Variants in TMEM266 observed in about 807,000 individuals in gnomAD.
The protein encoded by TMEM266 is transmembrane protein 266, also known as Hv1 related protein 1.
In TMEM266, 33 loss-of-function variants were observed where a neutral mutation model predicts 50.5. The ratio of observed to expected loss-of-function variants is 0.65; its 90% CI spans 0.50 to 0.87. TMEM266 has a LOEUF of 0.87. Among genes scored for constraint, TMEM266 ranks in the 40% least tolerant of loss-of-function variants. The pLI is 0.00. For missense variants in TMEM266, 655 were observed against 695.1 expected (o/e 0.94, Z 0.65); for synonymous variants, 310 against 292.3 (o/e 1.06, Z -0.62).
chr15:76,191,990 C>T lies in TMEM266; in HGVS notation c.791C>T (p.Ala264Val). The change falls in exon 9 of 11, where the codon GCG becomes GTG. Residue 264 changes from alanine (A) to valine (V), a missense_variant. Around this residue, in one of 3 missense-constraint regions of TMEM266, gnomAD observed 455 missense variants for 401.8 expected, o/e 1.13. Coordinates refer to ENST00000388942, the MANE Select transcript of TMEM266 (RefSeq NM_152335.3). ...CAGTTTGAGATCCGGCAGCTGCGCG[C>T]GCACCTGGCGCAGCAGGACCTGGAC... 6.3e-7 allele frequency: 1 copy of T among 1,583,332 alleles called. No individual in the cohort carries two copies. Among genetic ancestry groups the T allele is most frequent in the Non-Finnish European group, 8.5e-7 (1 of 1,169,602 alleles).
chr15:76,192,807 T>G (rs2038601161), intron 9 of TMEM266, among the ~76,000 whole-genome samples: 1 of 152,198 alleles, frequency 6.6e-6, no homozygotes, highest in Admixed American at 6.5e-5. Context: ...GGCCTTAGTT[T>G]TGCCAGCTGT....
At position 76,061,894 on chromosome 15, in the gene TMEM266, T is replaced by C. The variant is rs563144111; in HGVS notation, c.-97+1878T>C. Among the ~76,000 whole-genome samples, 36 of 152,362 alleles carry C rather than the reference T, an allele frequency of 2.4e-4. 1 individual carries two copies. In the South Asian group the frequency reaches 7.2e-3, roughly 31 times the overall value. On this transcript the variant is annotated intron_variant, in intron 1 of 10. Coordinates refer to ENST00000388942, the MANE Select transcript of TMEM266 (RefSeq NM_152335.3). Reference sequence around the variant, plus strand: ...AGCAACATTGTCTATCACACTTGCCTGTGAGTGCCTTAATGGGAGGAAGGA... The same window carrying C: ...AGCAACATTGTCTATCACACTTGCCCGTGAGTGCCTTAATGGGAGGAAGGA...
At chr15:76,104,292 C>T (rs900009660) in intron 1 of TMEM266, among the ~76,000 whole-genome samples, 3 of 152,156 alleles carry the variant, frequency 2.0e-5, no homozygotes, top group Non-Finnish European at 4.4e-5. Flanking sequence ...ACGTATGGCT[C>T]TTTAAATTCA....
At chr15:76,196,832 G>C (rs1224299243) in intron 9 of TMEM266, among the ~76,000 whole-genome samples, 1 of 151,894 alleles carries the variant, frequency 6.6e-6, no homozygotes, top group East Asian at 1.9e-4. Flanking sequence ...GTTTAGACTT[G>C]CTGTAGCACA....
At chr15:76,071,145 A>G (rs1270573946) in intron 1 of TMEM266, among the ~76,000 whole-genome samples, 1 of 152,188 alleles carries the variant, frequency 6.6e-6, no homozygotes, top group Non-Finnish European at 1.5e-5. Flanking sequence ...TTGCTACCCC[A>G]GGAACTTCCA....
chr15:76,204,876 C>G lies in TMEM266; in HGVS notation c.*561C>G, dbSNP rs2959850. The G allele has an allele frequency of 6.6e-6, 1 of 152,472 alleles. No homozygotes were observed. The highest frequency in any genetic ancestry group is 1.5e-5 in the Non-Finnish European group (1 of 68,076). 9.4% of individuals were successfully genotyped at this position (152,472 alleles called of 1,614,324 possible). On this transcript the variant is annotated 3_prime_UTR_variant, in exon 11 of 11. Transcript: ENST00000388942. ...CCTTCACAGGATATAAAGGGATCAACCTAGAGGTGGGTGGGAGGGTCCTAG... is the reference window on the plus strand; with the variant it reads ...CCTTCACAGGATATAAAGGGATCAAGCTAGAGGTGGGTGGGAGGGTCCTAG...
chr15:76,131,250 C>T (rs1362309958), intron 1 of TMEM266, among the ~76,000 whole-genome samples: 3 of 152,188 alleles, frequency 2.0e-5, no homozygotes, highest in Admixed American at 2.0e-4. Flanking sequence ...ACCTGTAATC[C>T]CAGCTACTTG....
intron 5 of TMEM266, among the ~76,000 whole-genome samples, chr15:76,162,992 G>A (rs2038041581): frequency 6.6e-6 from 1 of 152,246 alleles, no homozygotes; most frequent in Non-Finnish European, 1.5e-5. Flanking sequence ...GGCTCCTGCT[G>A]TCCTGGAGCC....
chr15:76,151,677 C>A (rs2037845580), intron 3 of TMEM266, among the ~76,000 whole-genome samples: 1 of 152,150 alleles, frequency 6.6e-6, no homozygotes, highest in African/African-American at 2.4e-5. Flanking sequence ...CCCAAACTCC[C>A]TTTGCCATAC....
rs541413987 is a variant in TMEM266 at position 76,076,954 on chromosome 15, T to G, written c.-97+16938T>G. On this transcript the variant is annotated intron_variant, in intron 1 of 10. Coordinates refer to ENST00000388942, the MANE Select transcript of TMEM266 (RefSeq NM_152335.3). ...CTCTGAATAACCGTTTTTTTGTTTG[T>G]TTGTTGTTGTTGTTGTTGTTGTTTT... Among the ~76,000 whole-genome samples, 175 of 151,842 alleles carry G rather than the reference T, an allele frequency of 1.2e-3. 1 individual carries two copies. The highest frequency in any genetic ancestry group is 4.0e-3 in the African/African-American group (167 of 41,292).
In TMEM266 at chr15:76,065,885, G is replaced by A. The variant is rs571499185; in HGVS notation, c.-97+5869G>A. ...GCGTCCACTTCTGAGGCTTTGTCCC[G>A]CGCACTCCCCACTCAACCACCCTCA... On this transcript the variant is annotated intron_variant, in intron 1 of 10. Coordinates refer to ENST00000388942, the MANE Select transcript of TMEM266 (RefSeq NM_152335.3). Among the ~76,000 whole-genome samples the A allele has an allele frequency of 3.3e-5, 5 of 152,028 alleles. No individual in the cohort carries two copies. In the South Asian group the frequency reaches 1.0e-3, roughly 32 times the overall value.
At chr15:76,097,749 T>C (rs2036943148) in intron 1 of TMEM266, among the ~76,000 whole-genome samples, 1 of 152,046 alleles carries the variant, frequency 6.6e-6, no homozygotes, top group South Asian at 2.1e-4. Flanking sequence ...CAATCAAACG[T>C]AGATTTGGTC....
chr15:76,141,077 T>C (rs1031537346), intron 3 of TMEM266, among the ~76,000 whole-genome samples: 8 of 152,094 alleles, frequency 5.3e-5, no homozygotes, highest in Admixed American at 1.3e-4. Context: ...TAGAGCCCTA[T>C]CTCTGTGATC....
intron 3 of TMEM266, among the ~76,000 whole-genome samples, chr15:76,148,932 C>T (rs2037797150): frequency 6.6e-6 from 1 of 152,130 alleles, no homozygotes; most frequent in Admixed American, 6.5e-5. Flanking sequence ...GGTATGGAAA[C>T]TTCAATTTAT....
At position 76,161,179 on chromosome 15, in the gene TMEM266, T is replaced by C. The variant is rs1262468891; in HGVS notation, c.456+1011T>C. ...CCTGCTATGGGTACATATTAGCCCA[T>C]GCAAAGTCCCGTGGGCCTTTCAGCA... On this transcript the variant is annotated intron_variant, in intron 5 of 10. Transcript: ENST00000388942. This position sits in a 1 kb window ranked among gnomAD's most constrained non-coding sequence, Gnocchi z 4.1. 6.6e-6 allele frequency among the ~76,000 whole-genome samples: 1 copy of C among 152,132 alleles called. No homozygotes were observed. Among genetic ancestry groups the C allele is most frequent in the Non-Finnish European group, 1.5e-5 (1 of 68,020 alleles).
intron 3 of TMEM266, among the ~76,000 whole-genome samples, chr15:76,155,901 C>T (rs1158140959): frequency 5.3e-5 from 8 of 152,196 alleles, no homozygotes; most frequent in Admixed American, 5.2e-4. Context: ...AATGCCAGAG[C>T]CCATGTCACC....
At position 76,171,505 on chromosome 15, in the gene TMEM266, C is replaced by T. The variant is rs76084568; in HGVS notation, c.652+374C>T. ...CGATGCACACCTGCTGCTGGCTCCC[C>T]GATGGCTGCCAGCCTCACCACTGGC... On this transcript the variant is annotated intron_variant, in intron 7 of 10. Coordinates refer to ENST00000388942, the MANE Select transcript of TMEM266 (RefSeq NM_152335.3). 6.5e-3 allele frequency among the ~76,000 whole-genome samples: 991 copies of T among 152,284 alleles called. 26 individuals are homozygous for T. Among genetic ancestry groups the T allele is most frequent in the East Asian group, 0.041 (213 of 5,162 alleles).
At chr15:76,174,093 T>C (rs1459213866) in intron 7 of TMEM266, among the ~76,000 whole-genome samples, 1 of 152,138 alleles carries the variant, frequency 6.6e-6, no homozygotes, top group Non-Finnish European at 1.5e-5. Flanking sequence ...CAAAGCCACC[T>C]CATGGTCCAA....
At chr15:76,088,170 A>G (rs1252885653) in intron 1 of TMEM266, among the ~76,000 whole-genome samples, 1 of 152,168 alleles carries the variant, frequency 6.6e-6, no homozygotes, top group Non-Finnish European at 1.5e-5. Flanking sequence ...TAGTGGTTAG[A>G]CCTATGCTAG....
Sources: gnomAD v4.1 joint callset for allele counts (sites outside exome capture counted in the v4.1 genomes callset) on GRCh38, gnomAD v4.1.1 for gene constraint, gnomAD v4.1.1 regional missense constraint, Gnocchi (gnomAD v3.1) non-coding constraint, MANE v1.5 for transcripts, NCBI Gene and HGNC (gene_info 2026-07-23, HGNC 2026-07-21) for gene names.